Variants in CSMD2 observed in about 807,000 individuals in gnomAD.
The protein encoded by CSMD2 is CUB and sushi domain-containing protein 2.
Under a neutral mutation model 398.5 loss-of-function variants are expected in CSMD2, and 130 were observed. The observed-to-expected ratio is 0.33, with a 90% CI of 0.28 to 0.38. The LOEUF (loss-of-function observed/expected upper bound fraction) is 0.38, where lower values mean the gene tolerates loss of function less well. Ranked by LOEUF, CSMD2 falls within the 10% of genes least tolerant of loss-of-function variation. The pLI is 1.00. For missense variants in CSMD2, 3,829 were observed against 4,764.9 expected (o/e 0.80, Z 5.78); for synonymous variants, 1,828 against 1,908.5 (o/e 0.96, Z 1.10).
intron 40 of CSMD2, among the ~76,000 whole-genome samples, chr1:33,614,089 G>A (rs1410618482): frequency 6.6e-6 from 1 of 152,070 alleles, no homozygotes; most frequent in African/African-American, 2.4e-5. Context: ...AGACACTGGG[G>A]TTAAAAGTAC....
Position 34,130,203 on chromosome 1 carries a change from C to T in CSMD2, c.187+34708G>A, listed in dbSNP as rs150200971. ...GGGAGACAGACAGTAAACAAGTAAA[C>T]AACAGTAGATCATATAATGAGCATG... On this transcript the variant is annotated intron_variant, in intron 1 of 70. Transcript: ENST00000373381. Among the ~76,000 whole-genome samples the T allele has an allele frequency of 1.8e-3, 267 of 151,948 alleles. 1 individual carries two copies. The highest frequency in any genetic ancestry group is 6.1e-3 in the African/African-American group (251 of 41,442).
At chr1:33,546,770 T>C (rs535678358) in intron 56 of CSMD2, among the ~76,000 whole-genome samples, 9 of 152,304 alleles carry the variant, frequency 5.9e-5, no homozygotes, top group Non-Finnish European at 1.2e-4. Flanking sequence ...GAAACATCTT[T>C]ACTGGCTCCC....
intron 29 of CSMD2, among the ~76,000 whole-genome samples, chr1:33,639,474 C>G (rs949184218): frequency 6.6e-6 from 1 of 152,202 alleles, no homozygotes; most frequent in East Asian, 1.9e-4. Context: ...TTTTTCTTTC[C>G]CTGGTTATAA....
intron 1 of CSMD2, among the ~76,000 whole-genome samples, chr1:34,124,382 G>A (rs1662525952): frequency 6.6e-6 from 1 of 152,188 alleles, no homozygotes; most frequent in South Asian, 2.1e-4. Flanking sequence ...GGGCATAGGA[G>A]TGCAGAGGAG....
At chr1:33,986,038 C>G (rs1341468476) in intron 3 of CSMD2, among the ~76,000 whole-genome samples, 1 of 152,180 alleles carries the variant, frequency 6.6e-6, no homozygotes, top group Non-Finnish European at 1.5e-5. Flanking sequence ...CCAGGGAGCT[C>G]CTTGAGGGCA....
At chr1:33,862,006 T>C (rs1022161484) in intron 5 of CSMD2, among the ~76,000 whole-genome samples, 1 of 152,124 alleles carries the variant, frequency 6.6e-6, no homozygotes, top group Non-Finnish European at 1.5e-5. Flanking sequence ...TCCTCTGATG[T>C]GGCTCATACA....
intron 15 of CSMD2, among the ~76,000 whole-genome samples, chr1:33,732,851 G>C (rs766274320): frequency 6.6e-6 from 1 of 152,212 alleles, no homozygotes; most frequent in Non-Finnish European, 1.5e-5. Flanking sequence ...AACATGCCAG[G>C]CTCTGACCTT....
intron 47 of CSMD2, 30 bp downstream of exon 47, chr1:33,583,612 A>G: frequency 1.2e-6 from 2 of 1,604,416 alleles, no homozygotes; most frequent in Non-Finnish European, 1.7e-6. Flanking sequence ...CTTCTGCAGC[A>G]GAGAACTGTG....
Position 33,583,831 on chromosome 1 carries a change from C to A in CSMD2, c.7052-1G>T. The A allele has an allele frequency of 6.2e-7, 1 of 1,612,098 alleles. No individual in the cohort carries two copies. The highest frequency in any genetic ancestry group is 8.5e-7 in the Non-Finnish European group (1 of 1,178,882). ...AGAAGCTCATTTGTTGGACAGTGCACTTGGAGAAAGAAAGAGAAACACCAA... is the reference window on the plus strand; with the variant it reads ...AGAAGCTCATTTGTTGGACAGTGCAATTGGAGAAAGAAAGAGAAACACCAA... On this transcript the variant is annotated splice_acceptor_variant, in intron 46 of 70. Coordinates refer to ENST00000373381, the MANE Select transcript of CSMD2 (RefSeq NM_001281956.2). LOFTEE classifies it high-confidence loss of function.
intron 64 of CSMD2, among the ~76,000 whole-genome samples, chr1:33,527,677 T>C (rs1654893924): frequency 2.0e-5 from 3 of 152,234 alleles, no homozygotes; most frequent in Non-Finnish European, 4.4e-5. Context: ...CAATTTCTAC[T>C]GGTGACAAAG....
intron 1 of CSMD2, among the ~76,000 whole-genome samples, chr1:34,139,632 A>G (rs1334334851): frequency 6.6e-6 from 1 of 152,220 alleles, no homozygotes; most frequent in Non-Finnish European, 1.5e-5. Flanking sequence ...ACATATACAC[A>G]TTTACATATA....
chr1:33,643,356 C>A (rs892219211), intron 29 of CSMD2, among the ~76,000 whole-genome samples: 1 of 152,226 alleles, frequency 6.6e-6, no homozygotes, highest in Admixed American at 6.5e-5. Context: ...TCACACTTTA[C>A]ATCTTCAGTA....
intron 13 of CSMD2, among the ~76,000 whole-genome samples, chr1:33,761,833 G>A (rs1449900243): frequency 3.3e-5 from 5 of 152,304 alleles, no homozygotes; most frequent in African/African-American, 1.2e-4. Context: ...GGGGAAACAC[G>A]ATAATCCAAG....
chr1:34,060,015 T>C (rs1051838183), intron 2 of CSMD2, among the ~76,000 whole-genome samples: 6 of 152,234 alleles, frequency 3.9e-5, no homozygotes, highest in Non-Finnish European at 8.8e-5. Context: ...GATTGGCTCC[T>C]TGGATTTCAT....
intron 25 of CSMD2, among the ~76,000 whole-genome samples, chr1:33,674,056 G>A (rs1644611629): frequency 6.6e-6 from 1 of 152,122 alleles, no homozygotes; most frequent in South Asian, 2.1e-4. Context: ...ATCAACTAAC[G>A]AGCAAAATAA....
At chr1:33,825,667 C>T (rs547857447) in intron 7 of CSMD2, 30 bp downstream of exon 7, 21 of 1,608,140 alleles carry the variant, frequency 1.3e-5, no homozygotes, top group Admixed American at 8.4e-5. Flanking sequence ...GCAAGAGGCC[C>T]GGCAGGCGGG....
rs368288943 is a variant in CSMD2, at chr1:33,601,006, C to T, written c.6715G>A (p.Gly2239Arg). Residue 2239 changes from glycine (G) to arginine (R), a missense_variant, in exon 44 of 71, where the codon GGG becomes AGG. Coordinates refer to ENST00000373381, the MANE Select transcript of CSMD2 (RefSeq NM_001281956.2). ...AGCCGTGGTGCTGTTTGCTGTGGCC[C>T]ATCCCTGTACACAGGAAACAAGGTC... Reference protein sequence around the residue: ...PSGDFITIWDGPQQTAPRLGV... With the variant: ...PSGDFITIWDRPQQTAPRLGV... 4 of 1,614,062 alleles carry T rather than the reference C, an allele frequency of 2.5e-6. No homozygotes were observed. Among genetic ancestry groups the T allele is most frequent in the Non-Finnish European group, 3.4e-6 (4 of 1,180,040 alleles).
At chr1:34,156,156 T>C (rs1381454401) in intron 1 of CSMD2, among the ~76,000 whole-genome samples, 1 of 152,226 alleles carries the variant, frequency 6.6e-6, no homozygotes, top group African/African-American at 2.4e-5. Flanking sequence ...TTAGCATTAA[T>C]TGAAAATAAA....
At chr1:33,957,316 T>C (rs1459290722) in intron 3 of CSMD2, among the ~76,000 whole-genome samples, 2 of 152,114 alleles carry the variant, frequency 1.3e-5, no homozygotes, top group African/African-American at 2.4e-5. Context: ...AACTGACAAA[T>C]GAGCAATGAA....
Sources: gnomAD v4.1 joint callset for allele counts (sites outside exome capture counted in the v4.1 genomes callset) on GRCh38, gnomAD v4.1.1 for gene constraint, MANE v1.5 for transcripts, NCBI Gene and HGNC (gene_info 2026-07-23, HGNC 2026-07-21) for gene names.